Variants in ASTN2 observed in about 807,000 individuals in gnomAD.
The protein encoded by ASTN2 is astrotactin 2.
ASTN2 carries 54 observed loss-of-function variants against 139.8 expected under a neutral mutation model. The observed-to-expected ratio is 0.39, with a 90% CI of 0.31 to 0.48. The LOEUF (loss-of-function observed/expected upper bound fraction) is 0.48. Among genes scored for constraint, ASTN2 ranks in the 20% least tolerant of loss-of-function variants. The pLI, the probability that ASTN2 is intolerant of heterozygous loss-of-function variation, is 0.95. For synonymous variants in ASTN2, 756 were observed against 719.5 expected (o/e 1.05, Z -0.81); for missense variants, 1,565 against 1,725.1 (o/e 0.91, Z 1.64).
intron 17 of ASTN2, among the ~76,000 whole-genome samples, chr9:116,630,381 TAA>T (rs1342595525): frequency 6.6e-6 from 1 of 152,200 alleles, no homozygotes; most frequent in Admixed American, 6.5e-5. Context: ...TGAAATTTTT[TAA>T]AGTTTGATGC....
Position 117,008,234 on chromosome 9 carries a change from C to A in ASTN2, c.1449G>T (p.Gly483=). The A allele has an allele frequency of 6.2e-7, 1 of 1,604,836 alleles. No homozygotes were observed. The change falls in exon 7 of 23, where the codon GGG becomes GGT. Residue 483 remains glycine (G), a synonymous_variant. Transcript: ENST00000313400. ...ACCAGTCGGAGATGTCCAGGTAGCTCCCTTCACTCACCACGAAGCTGCTTC... is the reference window on the plus strand; with the variant it reads ...ACCAGTCGGAGATGTCCAGGTAGCTACCTTCACTCACCACGAAGCTGCTTC... The part of the protein sequence containing the change: ...ADGSSFVVSE[G]SYLDISDWLN...
chr9:116,970,242 G>A (rs1406884669), intron 10 of ASTN2, among the ~76,000 whole-genome samples: 2 of 152,092 alleles, frequency 1.3e-5, no homozygotes, highest in Non-Finnish European at 2.9e-5. Context: ...AATATTTATA[G>A]GTTCTAGGAG....
At chr9:116,632,300 C>A in intron 17 of ASTN2, among the ~76,000 whole-genome samples, 1 of 137,210 alleles carries the variant, frequency 7.3e-6, no homozygotes, top group African/African-American at 2.8e-5. Flanking sequence ...CAAGTACCCC[C>A]AAAATATGTA....
chr9:117,232,885 CAG>C (rs1832938210), intron 2 of ASTN2, among the ~76,000 whole-genome samples: 1 of 122,334 alleles, frequency 8.2e-6, no homozygotes, highest in African/African-American at 3.6e-5. Context: ...CAACTAGGTA[CAG>C]ATTTTTTTTT....
chr9:116,553,382 T>A (rs1852443599), intron 19 of ASTN2, among the ~76,000 whole-genome samples: 1 of 152,200 alleles, frequency 6.6e-6, no homozygotes, highest in Non-Finnish European at 1.5e-5. Context: ...GGCCCAGTGG[T>A]CACTGCTTGT....
chr9:117,232,548 C>G (rs1450225743), intron 2 of ASTN2, among the ~76,000 whole-genome samples: 1 of 152,142 alleles, frequency 6.6e-6, no homozygotes, highest in Admixed American at 6.5e-5. Context: ...GGGAAAATAC[C>G]CATTTTTGCC....
intron 10 of ASTN2, among the ~76,000 whole-genome samples, chr9:116,941,702 C>T (rs1376061139): frequency 6.6e-6 from 1 of 151,894 alleles, no homozygotes; most frequent in Non-Finnish European, 1.5e-5. Flanking sequence ...AACCATCACA[C>T]TCTAGTACAT....
intron 6 of ASTN2, among the ~76,000 whole-genome samples, chr9:117,009,695 A>C (rs1488311841): frequency 6.6e-6 from 1 of 152,210 alleles, no homozygotes; most frequent in East Asian, 1.9e-4. Flanking sequence ...AGTAAAAACA[A>C]AGAAACACAT....
At chr9:117,219,392 A>G (rs1288837016) in intron 2 of ASTN2, among the ~76,000 whole-genome samples, 2 of 152,292 alleles carry the variant, frequency 1.3e-5, no homozygotes, top group East Asian at 1.9e-4. Flanking sequence ...CTGCACGGCA[A>G]AAGGGGAGCT....
At chr9:117,077,928 G>A (rs1262066987) in intron 5 of ASTN2, among the ~76,000 whole-genome samples, 1 of 152,086 alleles carries the variant, frequency 6.6e-6, no homozygotes. Flanking sequence ...TCTAATGATG[G>A]GGAACTCACT....
intron 10 of ASTN2, among the ~76,000 whole-genome samples, chr9:116,926,698 G>T (rs993533219): frequency 6.6e-6 from 1 of 152,174 alleles, no homozygotes; most frequent in African/African-American, 2.4e-5. Flanking sequence ...AGGATCGTGA[G>T]TGGGTAACTC....
chr9:117,408,491 T>A (rs901201036), intron 1 of ASTN2, among the ~76,000 whole-genome samples: 1 of 152,110 alleles, frequency 6.6e-6, no homozygotes, highest in African/African-American at 2.4e-5. Flanking sequence ...TCTCCCCACA[T>A]CACACATATT....
chr9:117,303,557 C>T (rs1587929326), intron 1 of ASTN2, among the ~76,000 whole-genome samples: 1 of 152,340 alleles, frequency 6.6e-6, no homozygotes, highest in East Asian at 1.9e-4. Context: ...ACCAGGACAA[C>T]TGAGCTCTCC....
At chr9:116,489,181 T>A (rs1849432207) in intron 19 of ASTN2, among the ~76,000 whole-genome samples, 1 of 152,108 alleles carries the variant, frequency 6.6e-6, no homozygotes, top group Non-Finnish European at 1.5e-5. Context: ...AAAAGAACAA[T>A]AGTGTTGGCT....
intron 2 of ASTN2, among the ~76,000 whole-genome samples, chr9:117,252,666 A>C (rs1588135304): frequency 6.6e-6 from 1 of 152,222 alleles, no homozygotes; most frequent in South Asian, 2.1e-4. Context: ...CAGCAATTCT[A>C]TGAGGCAGTT....
At chr9:116,533,989 C>A (rs1227941245) in intron 19 of ASTN2, among the ~76,000 whole-genome samples, 2 of 152,090 alleles carry the variant, frequency 1.3e-5, no homozygotes, top group Non-Finnish European at 2.9e-5. Flanking sequence ...TCCATCTGGT[C>A]CTGGAATTTT....
At chr9:117,319,569 A>G (rs565198086) in intron 1 of ASTN2, among the ~76,000 whole-genome samples, 11 of 151,074 alleles carry the variant, frequency 7.3e-5, no homozygotes, top group Non-Finnish European at 1.3e-4. Context: ...CTAGGATTAC[A>G]GTCACATGCC....
intron 12 of ASTN2, among the ~76,000 whole-genome samples, chr9:116,818,588 C>G (rs537002295): frequency 1.3e-5 from 2 of 152,098 alleles, no homozygotes; most frequent in East Asian, 1.9e-4. Context: ...TTCTTTAAGA[C>G]GCTCACAGTC....
chr9:116,997,679 A>C (rs10983449), intron 7 of ASTN2, among the ~76,000 whole-genome samples: 23,315 of 152,182 alleles, frequency 0.15, 2,224 homozygotes, highest in African/African-American at 0.26. Flanking sequence ...AAATATATGA[A>C]CTTGAGAATG....
Sources: allele counts gnomAD v4.1 joint callset (sites outside exome capture counted in the v4.1 genomes callset), GRCh38; gene constraint gnomAD v4.1.1; transcripts MANE v1.5; gene names NCBI Gene and HGNC (gene_info 2026-07-23, HGNC 2026-07-21).